Variants in FBXO4 observed in about 807,000 individuals in gnomAD.
The protein encoded by FBXO4 is F-box protein 4.
FBXO4 carries 36 observed loss-of-function variants against 43.7 expected under a neutral mutation model. The observed-to-expected ratio is 0.82, with a 90% CI of 0.63 to 1.09. The LOEUF is 1.09. FBXO4 is among the 50% of genes least tolerant of loss of function. FBXO4 has a pLI of 0.00. For synonymous variants in FBXO4, 180 were observed against 165.6 expected (o/e 1.09, Z -0.67); for missense variants, 435 against 474.1 (o/e 0.92, Z 0.77).
the FBXO4 span, among the ~76,000 whole-genome samples, chr5:41,970,080 T>C: frequency 1.1e-4 from 16 of 152,134 alleles, no homozygotes; most frequent in Admixed American, 5.9e-4. Flanking sequence ...GAATTAGTTC[T>C]GTTTTAGAAA....
the FBXO4 span, among the ~76,000 whole-genome samples, chr5:42,017,578 C>T: frequency 5.5e-5 from 8 of 146,258 alleles, no homozygotes; most frequent in Non-Finnish European, 1.0e-4. Context: ...CTTTTTCAAC[C>T]CTTGTCCCCC....
chr5:42,030,359 C>T, the FBXO4 span, among the ~76,000 whole-genome samples: 54 of 151,198 alleles, frequency 3.6e-4, no homozygotes, highest in South Asian at 1.5e-3. Flanking sequence ...AATGGGGAAA[C>T]GATTCCCTAT....
the FBXO4 span, among the ~76,000 whole-genome samples, chr5:41,960,381 A>T: frequency 5.7e-3 from 868 of 152,168 alleles, 2 homozygotes; most frequent in Non-Finnish European, 8.7e-3. Flanking sequence ...AAATTCCAGT[A>T]CTATATTGAA....
At chr5:41,949,667 C>T in the FBXO4 span, among the ~76,000 whole-genome samples, 1 of 152,114 alleles carries the variant, frequency 6.6e-6, no homozygotes, top group South Asian at 2.1e-4. Flanking sequence ...TCAATGCTAT[C>T]CCAATCAAGC....
chr5:41,950,340 T>A, the FBXO4 span, among the ~76,000 whole-genome samples: 1 of 151,954 alleles, frequency 6.6e-6, no homozygotes, highest in African/African-American at 2.4e-5. Flanking sequence ...ATACCCAGAA[T>A]CTACAAAGAC....
the FBXO4 span, among the ~76,000 whole-genome samples, chr5:41,964,303 G>A: frequency 1.3e-5 from 2 of 152,068 alleles, no homozygotes; most frequent in Admixed American, 6.6e-5. Flanking sequence ...TGCAAAAAGA[G>A]ATTGATTTTT....
the FBXO4 span, among the ~76,000 whole-genome samples, chr5:42,004,643 T>C: frequency 6.6e-6 from 1 of 152,226 alleles, no homozygotes; most frequent in South Asian, 2.1e-4. Flanking sequence ...ATATAGGCTG[T>C]CTTTTCTATT....
the FBXO4 span, among the ~76,000 whole-genome samples, chr5:42,029,151 TTA>T: frequency 2.8e-3 from 431 of 152,158 alleles, 1 homozygote; most frequent in African/African-American, 9.0e-3. Flanking sequence ...ATCCCTCAGC[TTA>T]TGTTTGCCTC....
chr5:41,932,932 T>A (rs988769981), intron 3 of FBXO4, among the ~76,000 whole-genome samples: 2 of 152,108 alleles, frequency 1.3e-5, no homozygotes, highest in African/African-American at 4.8e-5. Context: ...GAAGGACAAA[T>A]AACAGTGGCT....
chr5:41,975,167 C>T, the FBXO4 span, among the ~76,000 whole-genome samples: 4 of 152,160 alleles, frequency 2.6e-5, no homozygotes, highest in Non-Finnish European at 4.4e-5. Flanking sequence ...TCTCACTAGC[C>T]CACACTTAGC....
At chr5:42,023,918 G>T in the FBXO4 span, among the ~76,000 whole-genome samples, 2 of 151,964 alleles carry the variant, frequency 1.3e-5, no homozygotes, top group African/African-American at 4.8e-5. Flanking sequence ...GGGCAACATT[G>T]CTGTTCTCCA....
the FBXO4 span, among the ~76,000 whole-genome samples, chr5:42,038,156 C>T: frequency 2.6e-5 from 4 of 152,098 alleles, no homozygotes; most frequent in Non-Finnish European, 5.9e-5. Context: ...ATCAATTCCC[C>T]TCTCCCAGTG....
At chr5:41,958,419 A>C in the FBXO4 span, among the ~76,000 whole-genome samples, 57,624 of 152,088 alleles carry the variant, frequency 0.38, 13,685 homozygotes, top group African/African-American at 0.67. Context: ...AGGCGTGAGC[A>C]GCCCTGCCAG....
chr5:41,940,112 A>T (rs754663838), intron 6 of FBXO4, among the ~76,000 whole-genome samples: 1 of 151,438 alleles, frequency 6.6e-6, no homozygotes, highest in Non-Finnish European at 1.5e-5. Context: ...CGGCCTCCCA[A>T]AGTGCTGGGA....
chr5:42,040,014 C>G, the FBXO4 span, among the ~76,000 whole-genome samples: 2 of 152,112 alleles, frequency 1.3e-5, no homozygotes, highest in Non-Finnish European at 2.9e-5. Context: ...GAAACCAGCT[C>G]TGGCTGACTC....
At chr5:41,994,238 A>G in the FBXO4 span, among the ~76,000 whole-genome samples, 1 of 152,252 alleles carries the variant, frequency 6.6e-6, no homozygotes, top group Non-Finnish European at 1.5e-5. Context: ...TGCTAATAGG[A>G]ACTCAAAAAG....
the FBXO4 span, among the ~76,000 whole-genome samples, chr5:42,032,389 T>C: frequency 6.6e-6 from 1 of 152,106 alleles, no homozygotes; most frequent in African/African-American, 2.4e-5. Context: ...AATAAAAACC[T>C]CAGAAGTCTA....
At chr5:41,932,067 A>G (rs1290476703) in intron 3 of FBXO4, among the ~76,000 whole-genome samples, 5 of 152,170 alleles carry the variant, frequency 3.3e-5, no homozygotes, top group African/African-American at 7.2e-5. Context: ...AAGTGTGGCT[A>G]TTAGGTCAAA....
At chr5:41,979,935 G>C in the FBXO4 span, among the ~76,000 whole-genome samples, 4 of 152,094 alleles carry the variant, frequency 2.6e-5, no homozygotes, top group Admixed American at 2.0e-4. Context: ...AACAATTTGT[G>C]ATAAGCCTAC....
Sources: allele counts gnomAD v4.1 joint callset (sites outside exome capture counted in the v4.1 genomes callset), GRCh38; gene constraint gnomAD v4.1.1; transcripts MANE v1.5; gene names NCBI Gene and HGNC (gene_info 2026-07-23, HGNC 2026-07-21).